VWC2: variants seen among roughly 807,000 people sequenced by gnomAD.
VWC2 encodes von Willebrand factor C domain containing 2.
Under a neutral mutation model 29.8 loss-of-function variants are expected in VWC2, and 14 were observed. The ratio of observed to expected loss-of-function variants is 0.47; its 90% confidence interval spans 0.31 to 0.74. The LOEUF is 0.74. Among genes scored for constraint, VWC2 ranks in the 30% least tolerant of loss-of-function variants. The pLI is 0.05. For synonymous variants in VWC2, 213 were observed against 199.0 expected, an observed-to-expected ratio of 1.07 and a Z score of -0.59; for missense variants, 457 against 459.8, an observed-to-expected ratio of 0.99 and a Z score of 0.05.
At chr7:49,784,291 C>T (rs1427490862) in intron 2 of VWC2, among the ~76,000 whole-genome samples, 1 of 152,230 alleles carries the variant, frequency 6.6e-6, no homozygotes, top group African/African-American at 2.4e-5. Flanking sequence ...CCATCCCTGA[C>T]ACCTTTCTGA....
At chr7:49,826,968 TCAGTA>T (rs779663378) in intron 3 of VWC2, among the ~76,000 whole-genome samples, 74 of 152,256 alleles carry the variant, frequency 4.9e-4, no homozygotes, top group Non-Finnish European at 8.2e-4. Flanking sequence ...TTTAGCATGT[TCAGTA>T]TTCCAAGTCA....
At chr7:49,875,133 A>G (rs1367241615) in intron 3 of VWC2, among the ~76,000 whole-genome samples, 4 of 151,422 alleles carry the variant, frequency 2.6e-5, no homozygotes, top group African/African-American at 9.7e-5. Flanking sequence ...GCACTTTGGG[A>G]GGCCGAGGCA....
At chr7:49,778,144 A>T (rs1318803778) in intron 2 of VWC2, among the ~76,000 whole-genome samples, 1 of 151,956 alleles carries the variant, frequency 6.6e-6, no homozygotes, top group Non-Finnish European at 1.5e-5. Context: ...AAATGCTAGC[A>T]GCCATGAAGC....
chr7:49,879,952 C>G (rs996221088), intron 3 of VWC2, among the ~76,000 whole-genome samples: 2 of 152,074 alleles, frequency 1.3e-5, no homozygotes, highest in African/African-American at 2.4e-5. Context: ...TTTATTGAAG[C>G]AATTTCATTC....
In VWC2 at chr7:49,802,852, C is replaced by A; in HGVS notation, c.826+12C>A. The A allele has an allele frequency of 6.2e-7, 1 of 1,614,090 alleles. No homozygotes were observed. The highest frequency in any genetic ancestry group is 8.5e-7 in the Non-Finnish European group (1 of 1,179,966). On this transcript the variant is annotated intron_variant, in intron 3 of 3. Transcript: ENST00000340652. The stretch of plus-strand genomic sequence containing the variant: ...CATCTGCAAAAATGGTATGTGAGAT[C>A]CCCGTTGGTGACGGGGTGCACCTCC...
intron 3 of VWC2, 72 bp from the exon 4 acceptor site, chr7:49,911,962 T>C: frequency 5.5e-6 from 5 of 901,606 alleles, no homozygotes; most frequent in Non-Finnish European, 7.5e-6. Flanking sequence ...TATACTGTAA[T>C]GCTTAATACC....
chr7:49,788,862 G>A (rs567842029), intron 2 of VWC2, among the ~76,000 whole-genome samples: 11 of 143,792 alleles, frequency 7.6e-5, no homozygotes, highest in African/African-American at 1.8e-4. Context: ...GTGTGTGAGC[G>A]TGTGTGTGGG....
At chr7:49,865,396 G>C (rs759782271) in intron 3 of VWC2, among the ~76,000 whole-genome samples, 2 of 152,228 alleles carry the variant, frequency 1.3e-5, no homozygotes, top group Admixed American at 6.5e-5. Context: ...CATGAGCACT[G>C]AATCAATTAG....
chr7:49,850,168 C>G (rs1196499534), intron 3 of VWC2, among the ~76,000 whole-genome samples: 1 of 152,228 alleles, frequency 6.6e-6, no homozygotes, highest in South Asian at 2.1e-4. Flanking sequence ...TTCAGGAAGA[C>G]TGAGCATAGT....
At chr7:49,774,375 G>A (rs1376014692) in intron 1 of VWC2, among the ~76,000 whole-genome samples, 1 of 152,242 alleles carries the variant, frequency 6.6e-6, no homozygotes, top group East Asian at 1.9e-4. Context: ...TGCGCAGAGT[G>A]GGGGCGTTCG....
intron 3 of VWC2, among the ~76,000 whole-genome samples, chr7:49,868,129 T>C (rs2128722359): frequency 1.3e-5 from 2 of 152,238 alleles, no homozygotes; most frequent in African/African-American, 4.8e-5. Context: ...CCACTGTGCC[T>C]GTCCAAGGAA....
chr7:49,797,696 G>C (rs1020465989), intron 2 of VWC2, among the ~76,000 whole-genome samples: 1 of 152,094 alleles, frequency 6.6e-6, no homozygotes, highest in Non-Finnish European at 1.5e-5. Context: ...CTAGCCTCAG[G>C]ACTGGAATGA....
At chr7:49,823,564 C>A (rs929965813) in intron 3 of VWC2, among the ~76,000 whole-genome samples, 2 of 152,136 alleles carry the variant, frequency 1.3e-5, no homozygotes, top group Non-Finnish European at 2.9e-5. Context: ...AAGGTCCATT[C>A]CTGGGCCGTA....
At chr7:49,897,324 C>T (rs895905237) in intron 3 of VWC2, among the ~76,000 whole-genome samples, 1 of 152,102 alleles carries the variant, frequency 6.6e-6, no homozygotes, top group Non-Finnish European at 1.5e-5. Context: ...TATCCTGATA[C>T]CAAAACCAAA....
intron 3 of VWC2, among the ~76,000 whole-genome samples, chr7:49,897,972 C>A (rs912020083): frequency 1.3e-5 from 2 of 152,168 alleles, no homozygotes; most frequent in Non-Finnish European, 2.9e-5. Context: ...TTGTGTTCTT[C>A]TCAGTTCTCA....
chr7:49,834,912 G>A (rs1789621940), intron 3 of VWC2, among the ~76,000 whole-genome samples: 1 of 152,208 alleles, frequency 6.6e-6, no homozygotes. Flanking sequence ...GTGGAGGCCA[G>A]GATGGGGGAG....
chr7:49,789,349 G>A lies in VWC2; in HGVS notation c.696+13218G>A, dbSNP rs528334671. 3.3e-5 allele frequency among the ~76,000 whole-genome samples: 5 copies of A among 151,572 alleles called. No homozygotes were observed. The South Asian group carries it at 1.0e-3, about 32-fold the overall frequency. Reference sequence around the variant, plus strand: ...TGTGTGGGTGCGTGTGAGTGTATATGTGGCTGTGTGTGTGTGTGAGTGTGA... The same window carrying A: ...TGTGTGGGTGCGTGTGAGTGTATATATGGCTGTGTGTGTGTGTGAGTGTGA... On this transcript the variant is annotated intron_variant, in intron 2 of 3. Coordinates refer to ENST00000340652, the MANE Select transcript of VWC2 (RefSeq NM_198570.5).
intron 3 of VWC2, among the ~76,000 whole-genome samples, chr7:49,819,786 T>C (rs758297276): frequency 6.6e-5 from 10 of 152,052 alleles, no homozygotes; most frequent in Non-Finnish European, 1.2e-4. Flanking sequence ...TAGAGACTAG[T>C]TTGTGATGCT....
intron 3 of VWC2, among the ~76,000 whole-genome samples, chr7:49,903,390 A>G (rs1792884876): frequency 6.6e-6 from 1 of 152,242 alleles, no homozygotes; most frequent in Admixed American, 6.5e-5. Context: ...ATACCATGGA[A>G]TACAACTTAC....
Sources: allele counts gnomAD v4.1 joint callset (sites outside exome capture counted in the v4.1 genomes callset), GRCh38; gene constraint gnomAD v4.1.1; transcripts MANE v1.5; gene names NCBI Gene and HGNC (gene_info 2026-07-23, HGNC 2026-07-21).